Variants in DPYSL3 observed in about 807,000 individuals in gnomAD.
The protein encoded by DPYSL3 is dihydropyrimidinase like 3.
DPYSL3 carries 16 observed loss-of-function variants against 66.1 expected under a neutral mutation model. The observed-to-expected ratio is 0.24, with a 90% CI of 0.16 to 0.37. The LOEUF (loss-of-function observed/expected upper bound fraction) is 0.37. Among genes scored for constraint, DPYSL3 ranks in the 10% least tolerant of loss-of-function variants. The pLI is 1.00. For synonymous variants in DPYSL3, 338 were observed against 345.1 expected, an observed-to-expected ratio of 0.98 and a Z score of 0.23; for missense variants, 738 against 916.2, an observed-to-expected ratio of 0.81 and a Z score of 2.51.
chr5:147,465,331 G>A (rs1327678951), intron 1 of DPYSL3, among the ~76,000 whole-genome samples: 2 of 151,980 alleles, frequency 1.3e-5, no homozygotes, highest in Non-Finnish European at 2.9e-5. Context: ...ACGGAGCCTC[G>A]CACTGTTGCC....
intron 1 of DPYSL3, among the ~76,000 whole-genome samples, chr5:147,444,038 G>T (rs1303240270): frequency 2.0e-5 from 3 of 152,072 alleles, no homozygotes; most frequent in African/African-American, 4.8e-5. Context: ...TAGGAAACAG[G>T]TGCAGAGAAG....
intron 8 of DPYSL3, among the ~76,000 whole-genome samples, chr5:147,404,160 T>C (rs78322404): frequency 0.037 from 5,569 of 152,294 alleles, 364 homozygotes; most frequent in African/African-American, 0.13. Flanking sequence ...TGAGGAGCAC[T>C]GGGCTGCTTT....
At chr5:147,395,764 T>C (rs1188889733) in intron 12 of DPYSL3, 43 bp from the exon 13 acceptor site, 1 of 1,606,106 alleles carries the variant, frequency 6.2e-7, no homozygotes, top group Admixed American at 1.7e-5. Flanking sequence ...TCATTCAGCA[T>C]TTTAGGGTCT....
chr5:147,490,576 G>T (rs1218093947), intron 1 of DPYSL3, among the ~76,000 whole-genome samples: 1 of 152,160 alleles, frequency 6.6e-6, no homozygotes, highest in Non-Finnish European at 1.5e-5. Context: ...ATGTTAAGAA[G>T]CTTAGAAGTC....
chr5:147,502,188 G>A (rs1421172382), intron 1 of DPYSL3, among the ~76,000 whole-genome samples: 1 of 151,986 alleles, frequency 6.6e-6, no homozygotes, highest in Non-Finnish European at 1.5e-5. Context: ...GCTTTCATAA[G>A]GGCACCAACC....
At position 147,477,561 on chromosome 5, in the gene DPYSL3, CTTTTTTTTTTTT is replaced by C. The variant is rs56406515; in HGVS notation, c.381+31905_381+31916del. ...GAAGGAAAAATAAAAACACCTAAAT[CTTTTTTTTTTTT>C]TTTTTTTTTTTTTTTTTTTTGAGAC... On this transcript the variant is annotated intron_variant, in intron 1 of 13. Transcript: ENST00000343218. 2.2e-4 allele frequency among the ~76,000 whole-genome samples: 14 copies of C among 64,764 alleles called. No homozygotes were observed. In the East Asian group the frequency reaches 2.7e-3, roughly 12 times the overall value. 42.5% of individuals were successfully genotyped at this position (64,764 alleles called of 152,430 possible). A position where few individuals can be genotyped will look rare whatever the true frequency, so the allele number is the denominator to read the frequency against.
chr5:147,490,191 G>A (rs1385968386), intron 1 of DPYSL3, among the ~76,000 whole-genome samples: 1 of 152,048 alleles, frequency 6.6e-6, no homozygotes, highest in African/African-American at 2.4e-5. Flanking sequence ...GCACACCCCA[G>A]AGTCCTGCCC....
intron 1 of DPYSL3, among the ~76,000 whole-genome samples, chr5:147,463,987 G>T (rs558364520): frequency 6.6e-6 from 1 of 151,652 alleles, no homozygotes; most frequent in African/African-American, 2.4e-5. Context: ...AACTGGCACA[G>T]GATCCCACAA....
At chr5:147,502,735 C>A (rs1753630638) in intron 1 of DPYSL3, among the ~76,000 whole-genome samples, 1 of 152,082 alleles carries the variant, frequency 6.6e-6, no homozygotes, top group African/African-American at 2.4e-5. Flanking sequence ...TGCCACCATG[C>A]CCAGCTAATT....
At chr5:147,499,317 TAATATGC>T (rs1303055843) in intron 1 of DPYSL3, among the ~76,000 whole-genome samples, 1 of 152,114 alleles carries the variant, frequency 6.6e-6, no homozygotes, top group East Asian at 1.9e-4. Flanking sequence ...GATACAAAGT[TAATATGC>T]AAAAGTCACT....
intron 1 of DPYSL3, among the ~76,000 whole-genome samples, chr5:147,467,447 G>A (rs1753027500): frequency 2.0e-5 from 3 of 152,150 alleles, no homozygotes; most frequent in Admixed American, 2.0e-4. Context: ...AAGGAAACCT[G>A]CCCAACCTGG....
intron 1 of DPYSL3, among the ~76,000 whole-genome samples, chr5:147,456,639 G>A (rs1432191533): frequency 7.1e-6 from 1 of 139,914 alleles, no homozygotes; most frequent in Non-Finnish European, 1.5e-5. Context: ...TGCCCAGGCT[G>A]GAGTGCAGTG....
At chr5:147,426,380 G>A (rs1310649652) in intron 1 of DPYSL3, among the ~76,000 whole-genome samples, 2 of 152,074 alleles carry the variant, frequency 1.3e-5, no homozygotes, top group Non-Finnish European at 2.9e-5. Flanking sequence ...AAATCAGGTT[G>A]GGGAGGTAGG....
At chr5:147,482,637 A>G (rs966801260) in intron 1 of DPYSL3, among the ~76,000 whole-genome samples, 1 of 152,232 alleles carries the variant, frequency 6.6e-6, no homozygotes, top group African/African-American at 2.4e-5. Flanking sequence ...GGCTGGGCAC[A>G]TAAAAGGAAG....
intron 13 of DPYSL3, among the ~76,000 whole-genome samples, chr5:147,395,097 T>A (rs890727981): frequency 6.6e-6 from 1 of 152,200 alleles, no homozygotes; most frequent in Non-Finnish European, 1.5e-5. Context: ...GTTAGCATTA[T>A]TATAATTACT....
intron 11 of DPYSL3, among the ~76,000 whole-genome samples, chr5:147,398,865 T>A (rs1758077595): frequency 6.6e-6 from 1 of 152,222 alleles, no homozygotes; most frequent in African/African-American, 2.4e-5. Context: ...TCTATTGGCC[T>A]CTGTCCCTGA....
intron 1 of DPYSL3, among the ~76,000 whole-genome samples, chr5:147,502,658 C>G (rs1474051679): frequency 1.4e-5 from 2 of 144,610 alleles, no homozygotes; most frequent in African/African-American, 2.6e-5. Flanking sequence ...CTCACTGCAA[C>G]TTCCGCCTCC....
At position 147,392,515 on chromosome 5, in the gene DPYSL3, G is replaced by C. The variant is rs959286857; in HGVS notation, c.*1520C>G. On this transcript the variant is annotated 3_prime_UTR_variant, in exon 14 of 14. Transcript: ENST00000343218. ...CAGGTGCTACCACTTGGATTCCCCA[G>C]AGCATGGAAGTCTGATCCCAGGTTG... is the stretch of plus-strand genomic sequence containing the variant. The C allele has an allele frequency of 3.9e-5, 6 of 152,222 alleles. No individual in the cohort carries two copies. The highest frequency in any genetic ancestry group is 6.5e-5 in the Admixed American group (1 of 15,290). The allele number at this position is 152,222 out of a possible 1,614,324, so 9.4% of individuals were successfully genotyped here. A position where few individuals can be genotyped will look rare whatever the true frequency, so the allele number is the denominator to read the frequency against.
At chr5:147,472,609 G>A (rs566902534) in intron 1 of DPYSL3, 1 of 152,208 alleles carries the variant, frequency 6.6e-6, no homozygotes, top group South Asian at 2.1e-4. Context: ...TTTATCCAGG[G>A]CTGATATCTG....
Sources: gnomAD v4.1 joint callset for allele counts (sites outside exome capture counted in the v4.1 genomes callset) on GRCh38, gnomAD v4.1.1 for gene constraint, MANE v1.5 for transcripts, NCBI Gene and HGNC (gene_info 2026-07-23, HGNC 2026-07-21) for gene names.